The following PKP2 variants were observed in gnomAD, a reference collection of about 807,000 sequenced individuals.
PKP2 encodes the protein plakophilin 2, also known as plakophilin-2.
A neutral mutation model predicts 83.4 loss-of-function variants in PKP2; 73 were observed. The observed-to-expected ratio is 0.88, with a 90% confidence interval of 0.72 to 1.06. The LOEUF is 1.06. Among genes scored for constraint, PKP2 ranks in the 50% least tolerant of loss-of-function variants. The pLI is 0.00. For synonymous variants in PKP2, 409 were observed against 430.4 expected, an observed-to-expected ratio of 0.95 and a Z score of 0.62; for missense variants, 966 against 1,065.4, an observed-to-expected ratio of 0.91 and a Z score of 1.30.
At position 32,847,547 on chromosome 12, in the gene PKP2, C is replaced by T. The variant is rs144622391; in HGVS notation, c.1378+3219G>A. On this transcript the variant is annotated intron_variant, in intron 5 of 12. Coordinates refer to ENST00000340811, the MANE Select transcript of PKP2 (RefSeq NM_001005242.3). The stretch of plus-strand genomic sequence containing the variant: ...CCCTTGACACACACACACACACGCA[C>T]GCAAGCACACACACACTTCCCAAGC... Among the ~76,000 whole-genome samples, 295 of 152,274 alleles carry T rather than the reference C, an allele frequency of 1.9e-3. 4 individuals carry two copies. The highest frequency in any genetic ancestry group is 6.3e-3 in the African/African-American group (260 of 41,552).
At position 32,824,190 on chromosome 12, in the gene PKP2, G is replaced by T. The variant is rs1325292539; in HGVS notation, c.1557-28C>A. 5 of 1,436,796 alleles carry T rather than the reference G, an allele frequency of 3.5e-6. No individual in the cohort carries two copies. In the East Asian group the frequency reaches 1.1e-4, roughly 33 times the overall value. 89.0% of individuals were successfully genotyped at this position (1,436,796 alleles called of 1,614,324 possible). On this transcript the variant is annotated intron_variant, in intron 6 of 12. Coordinates refer to ENST00000340811, the MANE Select transcript of PKP2 (RefSeq NM_001005242.3). ...ATCAGAAAAAACAAAAAACAAAAAA[G>T]TAAGTCTAGGCTGTGTATCCAACAG...
At chr12:32,810,564 T>C (rs1253040779) in intron 9 of PKP2, among the ~76,000 whole-genome samples, 2 of 152,208 alleles carry the variant, frequency 1.3e-5, no homozygotes, top group Admixed American at 1.3e-4. Flanking sequence ...GTAGCTAGCA[T>C]GCTATTTAAG....
chr12:32,866,782 A>T (rs1592757826), intron 4 of PKP2, among the ~76,000 whole-genome samples: 2 of 152,118 alleles, frequency 1.3e-5, no homozygotes, highest in African/African-American at 4.8e-5. Flanking sequence ...AGTCAAACAT[A>T]CACCTACCAT....
intron 1 of PKP2, among the ~76,000 whole-genome samples, chr12:32,891,382 T>G (rs1261125561): frequency 6.6e-6 from 1 of 152,206 alleles, no homozygotes; most frequent in Non-Finnish European, 1.5e-5. Flanking sequence ...AATATGCTTG[T>G]TCTCTCAGAG....
Position 32,878,275 on chromosome 12 carries a change from A to T in PKP2, c.605T>A (p.Val202Asp). The stretch of plus-strand genomic sequence containing the variant: ...CCTGCTTGTGGTGCCAGCACGGCTG[A>T]CCCCCACGATCTCGGAACGAGCATA... ...PRYARSEIVG[V>D]SRAGTTSRQR... The change falls in exon 3 of 13, where the codon GTC becomes GAC. Residue 202 changes from valine to aspartate, a missense_variant. Val to Asp is a radical substitution (Grantham distance 152). Coordinates refer to ENST00000340811, the MANE Select transcript of PKP2 (RefSeq NM_001005242.3). 1 of 1,612,554 alleles carries T rather than the reference A, an allele frequency of 6.2e-7. No individual in the cohort carries two copies. Among genetic ancestry groups the T allele is most frequent in the South Asian group, 1.1e-5 (1 of 91,034 alleles).
At chr12:32,883,882 T>C (rs1381929008) in intron 1 of PKP2, among the ~76,000 whole-genome samples, 1 of 152,176 alleles carries the variant, frequency 6.6e-6, no homozygotes, top group Non-Finnish European at 1.5e-5. Flanking sequence ...TCCCAAAATA[T>C]GGCACTTGGC....
chr12:32,896,166 G>C (rs1957121358), intron 1 of PKP2, among the ~76,000 whole-genome samples: 1 of 152,174 alleles, frequency 6.6e-6, no homozygotes, highest in East Asian at 1.9e-4. Flanking sequence ...AGCATCTCAA[G>C]GTGTTTATAG....
rs1401769906 is a variant in PKP2 at position 32,896,602 on chromosome 12, T to G, written c.130A>C (p.Ser44Arg). Reference protein sequence around the residue: ...SEAKLKLAGSSGRGGQTVKSL... With the variant: ...SEAKLKLAGSRGRGGQTVKSL... ...TTGACTGTCTGGCCGCCGCGGCCGC[T>G]GCTCCCCGCCAGCTTCAGCTTGGCC... Residue 44 changes from serine to arginine, a missense_variant, in exon 1 of 13, where the codon AGC (serine) becomes CGC (arginine). Coordinates refer to ENST00000340811, the MANE Select transcript of PKP2 (RefSeq NM_001005242.3). The G allele has an allele frequency of 5.0e-6, 8 of 1,585,226 alleles. No homozygotes were observed. Among genetic ancestry groups the G allele is most frequent in the Admixed American group, 1.7e-5 (1 of 58,710 alleles).
Position 32,864,062 on chromosome 12 carries a change from A to C in PKP2, c.1170+4865T>G, listed in dbSNP as rs189319358. On this transcript the variant is annotated intron_variant, in intron 4 of 12. Transcript: ENST00000340811. ...TAAAAACCATAAAAATATTTCAATAAATGCATAAAAAGCATCTGACTAAAT... is the reference window on the plus strand; with the variant it reads ...TAAAAACCATAAAAATATTTCAATACATGCATAAAAAGCATCTGACTAAAT... Among the ~76,000 whole-genome samples, 29 of 151,930 alleles carry C rather than the reference A, an allele frequency of 1.9e-4. No individual in the cohort carries two copies. In the East Asian group the frequency reaches 5.2e-3, roughly 27 times the overall value.
chr12:32,874,666 G>T (rs1956918575), intron 3 of PKP2, among the ~76,000 whole-genome samples: 1 of 152,090 alleles, frequency 6.6e-6, no homozygotes, highest in Non-Finnish European at 1.5e-5. Flanking sequence ...TAGAATTTGA[G>T]CAACAAAAGA....
At chr12:32,858,670 C>CATA (rs1956775721) in intron 4 of PKP2, among the ~76,000 whole-genome samples, 1 of 151,902 alleles carries the variant, frequency 6.6e-6, no homozygotes, top group African/African-American at 2.4e-5. Context: ...AAGTTAAAAA[C>CATA]AACAACAAAA....
intron 9 of PKP2, among the ~76,000 whole-genome samples, chr12:32,805,425 T>G (rs10844360): frequency 0.2 from 29,715 of 152,140 alleles, 3,570 homozygotes; most frequent in East Asian, 0.56. Flanking sequence ...TCTAGGGTTT[T>G]TATAGTTTTG....
chr12:32,853,530 G>A (rs1226285873), intron 4 of PKP2, among the ~76,000 whole-genome samples: 4 of 139,318 alleles, frequency 2.9e-5, no homozygotes, highest in Non-Finnish European at 4.5e-5. Context: ...TTTTTGAGAC[G>A]GAGTCTCGCT....
intron 4 of PKP2, among the ~76,000 whole-genome samples, chr12:32,863,740 A>T (rs1956821650): frequency 6.6e-6 from 1 of 152,208 alleles, no homozygotes; most frequent in Non-Finnish European, 1.5e-5. Context: ...GAAGTCTACC[A>T]AACATTTAAG....
chr12:32,866,462 G>C (rs919445373), intron 4 of PKP2, among the ~76,000 whole-genome samples: 2 of 137,100 alleles, frequency 1.5e-5, no homozygotes, highest in African/African-American at 5.4e-5. Flanking sequence ...GAGGTGGGAA[G>C]ATCACTTGAG....
rs573027985 is a variant in PKP2, at chr12:32,828,266, C to T, written c.1557-4104G>A. 1.4e-4 allele frequency among the ~76,000 whole-genome samples: 22 copies of T among 152,264 alleles called. No homozygotes were observed. The East Asian group carries it at 4.2e-3, about 29-fold the overall frequency. ...AAGCAAATCTGTGACTTTTCACTCC[C>T]TCTAGGACCTCTTATCTCACACATT... On this transcript the variant is annotated intron_variant, in intron 6 of 12. Transcript: ENST00000340811.
intron 6 of PKP2, among the ~76,000 whole-genome samples, chr12:32,833,875 G>A (rs1177782721): frequency 6.6e-6 from 1 of 152,106 alleles, no homozygotes; most frequent in Non-Finnish European, 1.5e-5. Context: ...TTATCTTAAG[G>A]TGGCAATTTT....
chr12:32,804,929 G>A (rs1012821390), intron 9 of PKP2, among the ~76,000 whole-genome samples: 3 of 152,174 alleles, frequency 2.0e-5, no homozygotes, highest in African/African-American at 7.2e-5. Context: ...TGGTGGAAAA[G>A]CATTCTTTTT....
chr12:32,847,145 ATACT>A (rs1291264176), intron 5 of PKP2, among the ~76,000 whole-genome samples: 1 of 152,240 alleles, frequency 6.6e-6, no homozygotes, highest in Non-Finnish European at 1.5e-5. Flanking sequence ...ATTCACATAT[ATACT>A]TACTTTCTTT....
Sources: gnomAD v4.1 joint callset for allele counts (sites outside exome capture counted in the v4.1 genomes callset) on GRCh38, gnomAD v4.1.1 for gene constraint, MANE v1.5 for transcripts, NCBI Gene and HGNC (gene_info 2026-07-23, HGNC 2026-07-21) for gene names.